MADD: variants seen among roughly 807,000 people sequenced by gnomAD.
The protein encoded by MADD is MAP kinase-activating death domain protein.
A neutral mutation model predicts 176.7 loss-of-function variants in MADD; 109 were observed. That is an observed-to-expected ratio of 0.62 (90% CI 0.53 to 0.72). The LOEUF (loss-of-function observed/expected upper bound fraction) is 0.72. Among genes scored for constraint, MADD ranks in the 30% least tolerant of loss-of-function variants. The pLI, the probability that MADD is intolerant of heterozygous loss-of-function variation, is 0.00. For missense variants in MADD, 1,914 were observed against 2,045.5 expected (o/e 0.94, Z 1.24); for synonymous variants, 771 against 771.3 (o/e 1.00, Z 0.01).
At position 47,281,884 on chromosome 11, in the gene MADD, G is replaced by A. The variant is rs556717783; in HGVS notation, c.1469+131G>A. The A allele has an allele frequency of 2.0e-4, 83 of 424,632 alleles. No homozygotes were observed. In the East Asian group the frequency reaches 3.6e-3, roughly 18 times the overall value. 26.3% of individuals were successfully genotyped at this position (424,632 alleles called of 1,614,324 possible). On this transcript the variant is annotated intron_variant, in intron 8 of 32. Coordinates refer to ENST00000402192, the Ensembl canonical transcript of MADD. ...TTGAGATAGATTCTCACTCTTGTTG[G>A]AGTGCAATGGCATAATCTCAGCTCA...
intron 13 of MADD, 29 bp downstream of exon 13, chr11:47,285,223 G>A (rs1193857822): frequency 6.2e-6 from 10 of 1,606,784 alleles, no homozygotes; most frequent in Non-Finnish European, 8.5e-6. Context: ...CTTCTAGATG[G>A]GTGACTGAAG....
chr11:47,309,886 GGCAGGA>G (rs2086712089), intron 25 of MADD, among the ~76,000 whole-genome samples: 1 of 148,016 alleles, frequency 6.8e-6, no homozygotes, highest in Non-Finnish European at 1.5e-5. Flanking sequence ...CTGTCACCCA[GGCAGGA>G]GTGCAGTGGC....
At chr11:47,276,075 C>A in exon 4 of MADD, 1 of 1,614,248 alleles carries the variant, frequency 6.2e-7, no homozygotes, top group Non-Finnish European at 8.5e-7. Flanking sequence ...CTCCAGCCAG[C>A]TCTGACCTTT....
rs57548484 is a variant in MADD at position 47,318,789 on chromosome 11, ATTTTTTTTTTTTTTTTTT to A, written c.4197+3481_4197+3498del. ...TGATCAACTGGACAGCAGTTTGGGA[ATTTTTTTTTTTTTTTTTT>A]TTTTTTTTTTTTTTTTTTGAGACAG... On this transcript the variant is annotated intron_variant, in intron 27 of 32. Coordinates refer to ENST00000402192, the Ensembl canonical transcript of MADD. 3.6e-3 allele frequency among the ~76,000 whole-genome samples: 296 copies of A among 82,480 alleles called. 2 individuals are homozygous for A. The highest frequency in any genetic ancestry group is 0.014 in the African/African-American group (273 of 19,798). 54.1% of individuals were successfully genotyped at this position (82,480 alleles called of 152,430 possible).
chr11:47,317,929 C>A (rs1595073460), intron 27 of MADD, among the ~76,000 whole-genome samples: 1 of 151,994 alleles, frequency 6.6e-6, no homozygotes, highest in East Asian at 1.9e-4. Flanking sequence ...GCCACCACAC[C>A]CGGCTAATTT....
chr11:47,309,079 C>G (rs768648047), intron 23 of MADD, 37 bp downstream of exon 26: 5 of 1,610,572 alleles, frequency 3.1e-6, no homozygotes, highest in Non-Finnish European at 3.4e-6. Context: ...TTCATCCCTC[C>G]TCCTTGGGAG....
At chr11:47,283,476 A>G (rs1459223923) in intron 10 of MADD, among the ~76,000 whole-genome samples, 1 of 151,640 alleles carries the variant, frequency 6.6e-6, no homozygotes, top group Non-Finnish European at 1.5e-5. Flanking sequence ...GTCTCAGCTC[A>G]CTGCAAGTTC....
At chr11:47,328,548 C>G (rs2095710094) in intron 31 of MADD, 110 bp from the exon 36 acceptor site, 1 of 1,556,040 alleles carries the variant, frequency 6.4e-7, no homozygotes, top group Non-Finnish European at 8.7e-7. Context: ...CTGTGAGAGG[C>G]CACAGAGGGG....
intron 30 of MADD, among the ~76,000 whole-genome samples, chr11:47,326,207 G>A (rs936249990): frequency 6.6e-6 from 1 of 152,220 alleles, no homozygotes. Flanking sequence ...AAAACCCCAA[G>A]TAGGTGCTCA....
At chr11:47,329,971 C>T (rs1454368662) in exon 33 of MADD, 1 of 152,642 alleles carries the variant, frequency 6.6e-6, no homozygotes, top group Non-Finnish European at 1.5e-5. Flanking sequence ...ATATTTCAGC[C>T]CCACATTATT....
At chr11:47,323,649 G>A (rs548591337) in intron 27 of MADD, 22 bp from the exon 31 acceptor site, 6 of 1,608,542 alleles carry the variant, frequency 3.7e-6, no homozygotes, top group Admixed American at 3.3e-5. Flanking sequence ...GAACCACTGA[G>A]CCGCTTTGTG....
At chr11:47,310,671 C>G (rs1283417306) in intron 25 of MADD, among the ~76,000 whole-genome samples, 1 of 150,512 alleles carries the variant, frequency 6.6e-6, no homozygotes, top group Non-Finnish European at 1.5e-5. Context: ...TTTGGGAGAA[C>G]AGGGCGGGCA....
chr11:47,318,741 CAG>C (rs2093732232), intron 27 of MADD, among the ~76,000 whole-genome samples: 1 of 149,418 alleles, frequency 6.7e-6, no homozygotes, highest in South Asian at 2.1e-4. Context: ...TAGCCTTTCT[CAG>C]AGCATAGCCT....
chr11:47,319,300 T>C (rs2093920940), intron 27 of MADD, among the ~76,000 whole-genome samples: 2 of 151,606 alleles, frequency 1.3e-5, no homozygotes, highest in African/African-American at 4.8e-5. Context: ...CTTGGCTAAT[T>C]TTTGGTATTT....
chr11:47,277,636 A>G (rs2051528624), intron 5 of MADD, among the ~76,000 whole-genome samples: 1 of 152,138 alleles, frequency 6.6e-6, no homozygotes, highest in South Asian at 2.1e-4. Context: ...GCATATCCCA[A>G]TTGCCAGCAT....
At chr11:47,293,717 C>A (rs1006587921) in intron 19 of MADD, among the ~76,000 whole-genome samples, 166 bp from the exon 22 acceptor site, 1 of 152,170 alleles carries the variant, frequency 6.6e-6, no homozygotes. Context: ...CTTAAGGCAT[C>A]TGGGGTCCTC....
chr11:47,278,877 A>G, intron 6 of MADD, 122 bp from the exon 7 acceptor site: 1 of 716,574 alleles, frequency 1.4e-6, no homozygotes, highest in Non-Finnish European at 2.4e-6. Flanking sequence ...CTGTGCAGTT[A>G]TATAATGTAT....
rs763328923 is a variant in MADD at position 47,309,539 on chromosome 11, G to A, written c.3905G>A (p.Arg1302His). 197 of 1,614,086 alleles carry A rather than the reference G, an allele frequency of 1.2e-4. 1 individual carries two copies. In the Admixed American group the frequency reaches 1.3e-3, roughly 11 times the overall value. The change falls in exon 25 of 33, where the codon CGC (arginine) becomes CAC (histidine). Residue 1302 changes from arginine (R) to histidine (H), a missense_variant. By Grantham distance (29) the Arg-to-His change is conservative. Coordinates refer to ENST00000402192, the Ensembl canonical transcript of MADD. ...TCCCTTGGAGAACATGACCGGAAGC[G>A]CCTGGAAGATGATGAAGATCGCTTG...
intron 3 of MADD, among the ~76,000 whole-genome samples, chr11:47,275,447 A>G (rs1210718320): frequency 6.6e-6 from 1 of 152,186 alleles, no homozygotes; most frequent in Non-Finnish European, 1.5e-5. Flanking sequence ...GCACGCCACC[A>G]TGACCAGCTA....
Sources: gnomAD v4.1 joint callset for allele counts (sites outside exome capture counted in the v4.1 genomes callset) on GRCh38, gnomAD v4.1.1 for gene constraint, MANE v1.5 for transcripts, NCBI Gene and HGNC (gene_info 2026-07-23, HGNC 2026-07-21) for gene names.